The following KIRREL3 variants were observed in gnomAD, a reference collection of about 807,000 sequenced individuals.
KIRREL3 encodes the protein kin of IRRE-like protein 3.
Under a neutral mutation model 89.7 loss-of-function variants are expected in KIRREL3, and 36 were observed. The ratio of observed to expected loss-of-function variants is 0.40; its 90% confidence interval spans 0.31 to 0.53. The LOEUF is 0.53. KIRREL3 is among the 20% of genes least tolerant of loss of function. The pLI, the probability that KIRREL3 is intolerant of heterozygous loss-of-function variation, is 0.49. For synonymous variants in KIRREL3, 445 were observed against 441.4 expected (o/e 1.01, Z -0.10); for missense variants, 864 against 1,056.6 (o/e 0.82, Z 2.53).
intron 1 of KIRREL3, among the ~76,000 whole-genome samples, chr11:126,777,102 T>C (rs956659973): frequency 2.0e-5 from 3 of 152,184 alleles, no homozygotes; most frequent in African/African-American, 7.2e-5. Flanking sequence ...GCCACCAAAC[T>C]GGACCCATCT....
intron 1 of KIRREL3, among the ~76,000 whole-genome samples, chr11:126,672,911 G>A (rs752518329): frequency 6.6e-6 from 1 of 152,168 alleles, no homozygotes; most frequent in African/African-American, 2.4e-5. Context: ...TTAACCTTAA[G>A]TTTCAAAATT....
chr11:126,872,533 C>T lies in KIRREL3; in HGVS notation c.55+127922G>A, dbSNP rs554853975. 3.8e-4 allele frequency among the ~76,000 whole-genome samples: 58 copies of T among 152,330 alleles called. 1 individual carries two copies. The highest frequency in any genetic ancestry group is 3.4e-3 in the Middle Eastern group (1 of 294). The stretch of plus-strand genomic sequence containing the variant: ...TATTTCCTGGGTGAAGCCAAGAACC[C>T]TCCCGGACTAAGCCCCAATTTGGGG... On this transcript the variant is annotated intron_variant, in intron 1 of 16. Coordinates refer to ENST00000525144, the MANE Select transcript of KIRREL3 (RefSeq NM_032531.4). The surrounding 1 kb of genome is among the most constrained non-coding windows in gnomAD (Gnocchi z 4.2).
Position 126,564,420 on chromosome 11 carries a change from C to T in KIRREL3, c.56-1508G>A, listed in dbSNP as rs1010298462. Among the ~76,000 whole-genome samples, 4 of 152,116 alleles carry T rather than the reference C, an allele frequency of 2.6e-5. No individual in the cohort carries two copies. The highest frequency in any genetic ancestry group is 6.5e-5 in the Admixed American group (1 of 15,274). On this transcript the variant is annotated intron_variant, in intron 1 of 16. Coordinates refer to ENST00000525144, the MANE Select transcript of KIRREL3 (RefSeq NM_032531.4). This position sits in a 1 kb window ranked among gnomAD's most constrained non-coding sequence, Gnocchi z 7.4. ...CAAAACATGGCAGGAGGTGGCAGAA[C>T]GCCACGGCCCAGGGAGGTCCCTGGC...
At chr11:126,450,860 CGT>C (rs751582135) in intron 7 of KIRREL3, among the ~76,000 whole-genome samples, 99 of 120,634 alleles carry the variant, frequency 8.2e-4, no homozygotes, top group Non-Finnish European at 1.2e-3. Flanking sequence ...AGCATGTGCA[CGT>C]GTGTGTGCAT....
chr11:126,691,125 G>A (rs960511199), intron 1 of KIRREL3, among the ~76,000 whole-genome samples: 1 of 152,206 alleles, frequency 6.6e-6, no homozygotes, highest in Non-Finnish European at 1.5e-5. Flanking sequence ...GCTGTTAAGA[G>A]TATGGAAGTA....
rs186777094 is a variant in KIRREL3 at position 126,966,435 on chromosome 11, C to A, written c.55+34020G>T. 1.2e-4 allele frequency among the ~76,000 whole-genome samples: 19 copies of A among 152,230 alleles called. No homozygotes were observed. In the East Asian group the frequency reaches 3.3e-3, roughly 26 times the overall value. On this transcript the variant is annotated intron_variant, in intron 1 of 16. Coordinates refer to ENST00000525144, the MANE Select transcript of KIRREL3 (RefSeq NM_032531.4). ...TTGGGCGTATTGATTGAGTGTGCAC[C>A]ACTCAAGCTGTCAGTTTCTCCCTCC...
At chr11:126,585,069 G>A (rs1427125730) in intron 1 of KIRREL3, among the ~76,000 whole-genome samples, 1 of 151,514 alleles carries the variant, frequency 6.6e-6, no homozygotes, top group Non-Finnish European at 1.5e-5. Flanking sequence ...ACAGGCGCCC[G>A]CCACCACGCC....
At chr11:126,425,181 T>C (rs138402580) in intron 16 of KIRREL3, among the ~76,000 whole-genome samples, 158 bp from the exon 17 acceptor site, 18 of 152,070 alleles carry the variant, frequency 1.2e-4, no homozygotes, top group African/African-American at 4.3e-4. Flanking sequence ...GGTGAACAGC[T>C]GCAGGGAAGG....
At position 126,744,472 on chromosome 11, in the gene KIRREL3, T is replaced by C. The variant is rs1592061458; in HGVS notation, c.56-181560A>G. Among the ~76,000 whole-genome samples the C allele has an allele frequency of 6.6e-6, 1 of 152,080 alleles. No homozygotes were observed. The highest frequency in any genetic ancestry group is 2.4e-5 in the African/African-American group (1 of 41,392). On this transcript the variant is annotated intron_variant, in intron 1 of 16. Coordinates refer to ENST00000525144, the MANE Select transcript of KIRREL3 (RefSeq NM_032531.4). This position sits in a 1 kb window ranked among gnomAD's most constrained non-coding sequence, Gnocchi z 4.7. Reference sequence around the variant, plus strand: ...CAAGGAAATGGAGAGGTGGCGCAGGTGCGAAATGTATCTTGATGGAAGCAG... The same window carrying C: ...CAAGGAAATGGAGAGGTGGCGCAGGCGCGAAATGTATCTTGATGGAAGCAG...
intron 1 of KIRREL3, among the ~76,000 whole-genome samples, chr11:126,749,322 C>A (rs772728750): frequency 1.3e-5 from 2 of 152,286 alleles, no homozygotes; most frequent in East Asian, 1.9e-4. Flanking sequence ...ATCTGCTAAT[C>A]CCTAGAACAT....
At position 126,535,018 on chromosome 11, in the gene KIRREL3, C is replaced by T. The variant is rs1323734201; in HGVS notation, c.134-8331G>A. On this transcript the variant is annotated intron_variant, in intron 2 of 16. Coordinates refer to ENST00000525144, the MANE Select transcript of KIRREL3 (RefSeq NM_032531.4). This position sits in a 1 kb window ranked among gnomAD's most constrained non-coding sequence, Gnocchi z 4.5. Reference sequence around the variant, plus strand: ...GGAGGAAGTGTGGAGGTGGCAGCAGCAGTGACAGGTGTGGCCTGGCCTAGG... The same window carrying T: ...GGAGGAAGTGTGGAGGTGGCAGCAGTAGTGACAGGTGTGGCCTGGCCTAGG... 6.6e-6 allele frequency among the ~76,000 whole-genome samples: 1 copy of T among 152,114 alleles called. No individual in the cohort carries two copies. Among genetic ancestry groups the T allele is most frequent in the African/African-American group, 2.4e-5 (1 of 41,414 alleles).
At chr11:126,868,195 G>A (rs1459682110) in intron 1 of KIRREL3, among the ~76,000 whole-genome samples, 6 of 152,194 alleles carry the variant, frequency 3.9e-5, no homozygotes, top group Admixed American at 3.3e-4. Context: ...CACACATGGA[G>A]GATGAGAGAG....
Position 126,778,862 on chromosome 11 carries a change from A to G in KIRREL3, c.56-215950T>C, listed in dbSNP as rs1950243496. Among the ~76,000 whole-genome samples the G allele has an allele frequency of 6.6e-6, 1 of 152,212 alleles. No homozygotes were observed. Among genetic ancestry groups the G allele is most frequent in the Non-Finnish European group, 1.5e-5 (1 of 68,048 alleles). ...GAAAAACTGTCGTTCTTGTTATTTT[A>G]TAGTCTACCAGGTAAATGTACGCAG... On this transcript the variant is annotated intron_variant, in intron 1 of 16. Coordinates refer to ENST00000525144, the MANE Select transcript of KIRREL3 (RefSeq NM_032531.4). The surrounding 1 kb of genome is among the most constrained non-coding windows in gnomAD (Gnocchi z 4.5).
chr11:126,460,247 G>A (rs1358028201), intron 6 of KIRREL3, among the ~76,000 whole-genome samples: 2 of 152,172 alleles, frequency 1.3e-5, no homozygotes, highest in African/African-American at 4.8e-5. Flanking sequence ...GGGCTGTGGG[G>A]ACACCTGATG....
intron 7 of KIRREL3, among the ~76,000 whole-genome samples, chr11:126,449,364 A>T (rs1239583059): frequency 6.6e-6 from 1 of 152,212 alleles, no homozygotes; most frequent in Non-Finnish European, 1.5e-5. Flanking sequence ...GTGGTTGTGA[A>T]GGCAGTGGGC....
chr11:126,859,818 AG>A (rs1488095064), intron 1 of KIRREL3, among the ~76,000 whole-genome samples: 1 of 152,212 alleles, frequency 6.6e-6, no homozygotes, highest in Non-Finnish European at 1.5e-5. Flanking sequence ...TGAGGCAGCT[AG>A]GGTTGCTTGT....
At chr11:126,727,819 G>T (rs1284622022) in intron 1 of KIRREL3, among the ~76,000 whole-genome samples, 2 of 152,342 alleles carry the variant, frequency 1.3e-5, no homozygotes, top group South Asian at 4.1e-4. Context: ...GAATGAGCAC[G>T]TGGACACAAC....
chr11:126,741,532 C>T (rs1267444059), intron 1 of KIRREL3, among the ~76,000 whole-genome samples: 2 of 152,152 alleles, frequency 1.3e-5, no homozygotes, highest in East Asian at 3.9e-4. Flanking sequence ...ACAAATGCGT[C>T]TTGATCTTCA....
Position 126,891,422 on chromosome 11 carries a change from G to A in KIRREL3, c.55+109033C>T, listed in dbSNP as rs1384603554. Among the ~76,000 whole-genome samples, 1 of 152,200 alleles carries A rather than the reference G, an allele frequency of 6.6e-6. No individual in the cohort carries two copies. Among genetic ancestry groups the A allele is most frequent in the African/African-American group, 2.4e-5 (1 of 41,450 alleles). Reference sequence around the variant, plus strand: ...CAGCTATTGTAAAGGGCAAGGAGCTGGAAGGAAAGGCAGAAGAGGAGGCAA... The same window carrying A: ...CAGCTATTGTAAAGGGCAAGGAGCTAGAAGGAAAGGCAGAAGAGGAGGCAA... On this transcript the variant is annotated intron_variant, in intron 1 of 16. Coordinates refer to ENST00000525144, the MANE Select transcript of KIRREL3 (RefSeq NM_032531.4). The surrounding 1 kb of genome is among the most constrained non-coding windows in gnomAD (Gnocchi z 5.1).
Sources: gnomAD v4.1 joint callset for allele counts (sites outside exome capture counted in the v4.1 genomes callset) on GRCh38, gnomAD v4.1.1 for gene constraint, Gnocchi (gnomAD v3.1) non-coding constraint, MANE v1.5 for transcripts, NCBI Gene and HGNC (gene_info 2026-07-23, HGNC 2026-07-21) for gene names.